SUFU: variants seen among roughly 807,000 people sequenced by gnomAD.
SUFU encodes the protein SUFU negative regulator of hedgehog signaling, also known as suppressor of fused homolog.
A neutral mutation model predicts 58.9 loss-of-function variants in SUFU; 7 were observed. That is an observed-to-expected ratio of 0.12 (90% CI 0.07 to 0.22). The LOEUF is 0.22. SUFU is among the 10% of genes least tolerant of loss of function. SUFU has a pLI of 1.00. For missense variants in SUFU, 451 were observed against 641.3 expected (o/e 0.70, Z 3.20); for synonymous variants, 232 against 254.8 (o/e 0.91, Z 0.85).
chr10:102,526,323 G>C (rs377114500), intron 2 of SUFU, among the ~76,000 whole-genome samples: 13 of 152,256 alleles, frequency 8.5e-5, no homozygotes, highest in East Asian at 7.7e-4. Context: ...GAGGCCACGG[G>C]GGGGTGGATC....
At position 102,573,184 on chromosome 10, in the gene SUFU, T is replaced by C. The variant is rs555485914; in HGVS notation, c.455-19398T>C. On this transcript the variant is annotated intron_variant, in intron 3 of 11. Coordinates refer to ENST00000369902, the MANE Select transcript of SUFU (RefSeq NM_016169.4). ...TCAAAGCCTTTGCTTTGGCTTCGGCTTTAGGAGGAGCAGGAGCTTCCTTCT... is the reference window on the plus strand; with the variant it reads ...TCAAAGCCTTTGCTTTGGCTTCGGCCTTAGGAGGAGCAGGAGCTTCCTTCT... 9.2e-6 allele frequency: 7 copies of C among 758,932 alleles called. No individual in the cohort carries two copies. The African/African-American group carries it at 1.2e-4, about 13-fold the overall frequency. The allele number at this position is 758,932 out of a possible 1,614,324, so 47.0% of individuals were successfully genotyped here.
At chr10:102,584,795 A>G (rs1350698155) in intron 3 of SUFU, among the ~76,000 whole-genome samples, 1 of 152,168 alleles carries the variant, frequency 6.6e-6, no homozygotes, top group Non-Finnish European at 1.5e-5. Flanking sequence ...AATGGTACAG[A>G]TGGTGCACAG....
intron 10 of SUFU, 117 bp from the exon 11 acceptor site, chr10:102,627,058 A>G (rs1330134534): frequency 1.8e-6 from 2 of 1,121,246 alleles, no homozygotes; most frequent in Non-Finnish European, 2.7e-6. Flanking sequence ...TCCCTTGAAC[A>G]GATCACAGTG....
intron 2 of SUFU, among the ~76,000 whole-genome samples, chr10:102,536,683 A>G (rs1347376700): frequency 6.6e-6 from 1 of 151,826 alleles, no homozygotes; most frequent in South Asian, 2.1e-4. Flanking sequence ...TTTCCCTTAT[A>G]TATTTTACTC....
chr10:102,527,224 G>A (rs944284785), intron 2 of SUFU, among the ~76,000 whole-genome samples: 5 of 151,770 alleles, frequency 3.3e-5, no homozygotes, highest in African/African-American at 4.8e-5. Flanking sequence ...GGATGGTCTC[G>A]ATCTCCTGAC....
intron 2 of SUFU, among the ~76,000 whole-genome samples, chr10:102,534,568 C>T (rs536141891): frequency 9.2e-5 from 14 of 152,368 alleles, no homozygotes; most frequent in African/African-American, 2.6e-4. Context: ...GGCCTCCCTT[C>T]GCCAGACTGT....
chr10:102,541,344 C>A (rs982861445), intron 2 of SUFU, among the ~76,000 whole-genome samples: 6 of 152,006 alleles, frequency 3.9e-5, no homozygotes, highest in Non-Finnish European at 8.8e-5. Context: ...TCCCACATGG[C>A]TTTCTACAGA....
chr10:102,601,091 T>C (rs2063511393), intron 8 of SUFU, among the ~76,000 whole-genome samples: 2 of 152,202 alleles, frequency 1.3e-5, no homozygotes, highest in African/African-American at 4.8e-5. Flanking sequence ...CTGGAAGGCC[T>C]ATAACATGGA....
chr10:102,571,980 A>G (rs958393519), intron 3 of SUFU, among the ~76,000 whole-genome samples: 1 of 152,222 alleles, frequency 6.6e-6, no homozygotes, highest in East Asian at 1.9e-4. Context: ...TCTTTAAAGC[A>G]GCAATGGAGG....
At chr10:102,547,827 G>C (rs536496159) in intron 2 of SUFU, among the ~76,000 whole-genome samples, 2 of 148,622 alleles carry the variant, frequency 1.3e-5, no homozygotes, top group South Asian at 2.1e-4. Flanking sequence ...AGAGAGAGGC[G>C]GGGGGGAGAG....
chr10:102,604,509 T>TC (rs2063543778), intron 8 of SUFU, among the ~76,000 whole-genome samples: 1 of 152,142 alleles, frequency 6.6e-6, no homozygotes, highest in Non-Finnish European at 1.5e-5. Context: ...AAACGCTGCA[T>TC]CCCCCTCCCT....
intron 2 of SUFU, among the ~76,000 whole-genome samples, chr10:102,520,703 T>C (rs1442707503): frequency 6.6e-6 from 1 of 152,208 alleles, no homozygotes; most frequent in Non-Finnish European, 1.5e-5. Flanking sequence ...CAAAAGGTCA[T>C]AGAGTTGGAA....
At position 102,628,523 on chromosome 10, in the gene SUFU, C is replaced by T. The variant is rs569637369; in HGVS notation, c.1365+1280C>T. 1.3e-5 allele frequency among the ~76,000 whole-genome samples: 2 copies of T among 152,306 alleles called. No homozygotes were observed. Among genetic ancestry groups the T allele is most frequent in the East Asian group, 1.9e-4 (1 of 5,190 alleles). On this transcript the variant is annotated intron_variant, in intron 11 of 11. Coordinates refer to ENST00000369902, the MANE Select transcript of SUFU (RefSeq NM_016169.4). The surrounding 1 kb of genome is among the most constrained non-coding windows in gnomAD (Gnocchi z 4.5). ...AGAAGCGCTTCCGGAGAGGCCTTGT[C>T]GCACTGGGATGGCGCTGTGCCAGGC... is the stretch of plus-strand genomic sequence containing the variant.
intron 2 of SUFU, among the ~76,000 whole-genome samples, chr10:102,523,469 G>A (rs528705347): frequency 2.0e-5 from 3 of 152,274 alleles, no homozygotes; most frequent in Admixed American, 6.5e-5. Context: ...CAGGGGGGTC[G>A]AGCTGGCTGG....
At chr10:102,615,485 C>A (rs2135930919) in intron 9 of SUFU, 83 bp downstream of exon 9, 1 of 1,603,892 alleles carries the variant, frequency 6.2e-7, no homozygotes, top group East Asian at 2.2e-5. Flanking sequence ...CTCCCCAGCC[C>A]CCTCCCCCAG....
rs531695807 is a variant in SUFU at position 102,619,398 on chromosome 10, C to T, written c.1296+1970C>T. On this transcript the variant is annotated intron_variant, in intron 10 of 11. Transcript: ENST00000369902. The surrounding 1 kb of genome is among the most constrained non-coding windows in gnomAD (Gnocchi z 4.2). ...TGGGCTGTTGCCCAGGGAACCGGGG[C>T]GCGGTGGGAACGAGCTGCTGGCCTC... The T allele has an allele frequency of 3.6e-6, 5 of 1,378,292 alleles. No homozygotes were observed. Among genetic ancestry groups the T allele is most frequent in the African/African-American group, 2.9e-5 (2 of 69,006 alleles). The allele number at this position is 1,378,292 out of a possible 1,614,324, so 85.4% of individuals were successfully genotyped here.
chr10:102,571,089 C>T lies in SUFU; in HGVS notation c.454+20983C>T, dbSNP rs545855506. On this transcript the variant is annotated intron_variant, in intron 3 of 11. Transcript: ENST00000369902. ...AAGTTAAGTGGCTTCTTCAAGGTTA[C>T]ACAGTAAGAAAATCGTATCAGAGAA... 2.0e-5 allele frequency among the ~76,000 whole-genome samples: 3 copies of T among 152,120 alleles called. No individual in the cohort carries two copies. In the East Asian group the frequency reaches 5.8e-4, roughly 29 times the overall value.
At chr10:102,609,008 T>G (rs947129100) in intron 8 of SUFU, among the ~76,000 whole-genome samples, 2 of 152,224 alleles carry the variant, frequency 1.3e-5, no homozygotes, top group Non-Finnish European at 1.5e-5. Context: ...TAGATATGTC[T>G]TCATAGTCTT....
chr10:102,578,257 A>T (rs12767100), intron 3 of SUFU, among the ~76,000 whole-genome samples: 19 of 150,682 alleles, frequency 1.3e-4, no homozygotes, highest in African/African-American at 4.1e-4. Flanking sequence ...GTCTCAAAAA[A>T]AAAAACAAAA....
Sources: allele counts gnomAD v4.1 joint callset (sites outside exome capture counted in the v4.1 genomes callset), GRCh38; gene constraint gnomAD v4.1.1; non-coding constraint Gnocchi (gnomAD v3.1); transcripts MANE v1.5; gene names NCBI Gene and HGNC (gene_info 2026-07-23, HGNC 2026-07-21).